Variants in PIK3R3 observed in about 807,000 individuals in gnomAD.
PIK3R3 encodes the protein phosphoinositide-3-kinase regulatory subunit 3, also known as phosphatidylinositol 3-kinase regulatory subunit gamma.
Under a neutral mutation model 62.9 loss-of-function variants are expected in PIK3R3, and 64 were observed. The observed-to-expected ratio is 1.02, with a 90% CI of 0.83 to 1.25. The LOEUF (loss-of-function observed/expected upper bound fraction) is 1.25. Ranked by LOEUF, PIK3R3 falls within the 50% of genes most tolerant of loss-of-function variation. The probability of loss-of-function intolerance (pLI) is 0.00; values close to 1 mark genes in which losing one functional copy is unlikely to be tolerated. For missense variants in PIK3R3, 614 were observed against 561.6 expected (o/e 1.09, Z -0.94); for synonymous variants, 165 against 189.0 (o/e 0.87, Z 1.04).
At chr1:46,055,752 T>C (rs1017973642) in intron 7 of PIK3R3, 43 bp downstream of exon 7, 3 of 1,293,566 alleles carry the variant, frequency 2.3e-6, no homozygotes, top group Middle Eastern at 1.9e-4. Context: ...GGTAGTAACC[T>C]GGCACTAACG....
At chr1:46,080,542 T>C (rs111915223) in intron 2 of PIK3R3, 100 bp downstream of exon 2, 26,539 of 785,160 alleles carry the variant, frequency 0.034, 579 homozygotes, top group Middle Eastern at 0.058. Context: ...ATTATAGGCA[T>C]GAGCCACCAT....
chr1:46,054,776 A>G (rs546803514), intron 7 of PIK3R3, among the ~76,000 whole-genome samples: 2 of 152,354 alleles, frequency 1.3e-5, no homozygotes, highest in East Asian at 1.9e-4. Context: ...TTTGTATATT[A>G]TCTCTATTAT....
intron 6 of PIK3R3, among the ~76,000 whole-genome samples, chr1:46,059,570 T>G (rs1013656188): frequency 6.6e-6 from 1 of 152,274 alleles, no homozygotes; most frequent in African/African-American, 2.4e-5. Flanking sequence ...ATCCCAGCAC[T>G]TTGGGAAGCT....
the PIK3R3 span, among the ~76,000 whole-genome samples, chr1:46,145,110 T>C: frequency 0.83 from 121,963 of 147,352 alleles, 50,518 homozygotes; most frequent in Non-Finnish European, 0.87. Flanking sequence ...GCAACAAGAA[T>C]GAAACTCCAC....
chr1:46,106,452 G>A (rs1653215443), intron 1 of PIK3R3, among the ~76,000 whole-genome samples: 1 of 152,026 alleles, frequency 6.6e-6, no homozygotes, highest in African/African-American at 2.4e-5. Context: ...TTATCTCCCT[G>A]CCCCCTCAAA....
intron 2 of PIK3R3, 37 bp downstream of exon 2, chr1:46,080,605 A>G (rs768689670): frequency 7.3e-7 from 1 of 1,360,694 alleles, no homozygotes; most frequent in Non-Finnish European, 1.0e-6. Context: ...ATGACTTTTT[A>G]AAAAACTGCA....
At chr1:46,126,995 A>G (rs1188137918) in intron 1 of PIK3R3, among the ~76,000 whole-genome samples, 1 of 152,052 alleles carries the variant, frequency 6.6e-6, no homozygotes, top group Non-Finnish European at 1.5e-5. Context: ...TGCAAAACAA[A>G]ACTTTTCATT....
chr1:46,098,804 G>A (rs1652384356), intron 1 of PIK3R3, among the ~76,000 whole-genome samples: 1 of 152,172 alleles, frequency 6.6e-6, no homozygotes, highest in South Asian at 2.1e-4. Context: ...GAGTTCAAGC[G>A]ATCCTCCCAC....
At chr1:46,046,191 A>T (rs986175823) in intron 8 of PIK3R3, 103 bp from the exon 9 acceptor site, 2 of 717,998 alleles carry the variant, frequency 2.8e-6, no homozygotes, top group Non-Finnish European at 4.6e-6. Context: ...CAAATAACAA[A>T]GCAAAATTGC....
intron 1 of PIK3R3, among the ~76,000 whole-genome samples, chr1:46,095,399 G>A (rs1342384286): frequency 6.6e-6 from 1 of 152,116 alleles, no homozygotes; most frequent in Non-Finnish European, 1.5e-5. Flanking sequence ...CAGGAGGATC[G>A]CAGGAACAGA....
Position 46,055,852 on chromosome 1 carries a change from A to T in PIK3R3, c.884T>A (p.Met295Lys), listed in dbSNP as rs758746746. The T allele has an allele frequency of 2.4e-5, 38 of 1,608,088 alleles. No homozygotes were observed. Among genetic ancestry groups the T allele is most frequent in the Middle Eastern group, 1.7e-4 (1 of 6,060 alleles). Residue 295 changes from methionine to lysine, a missense_variant, in exon 7 of 10, where the codon ATG (methionine) becomes AAG (lysine). Transcript: ENST00000262741. ...GATCAGGTCAGGTTTGATGCTATTCATTTTTTTATCTATTTCTCGGTTGTC... is the reference window on the plus strand; with the variant it reads ...GATCAGGTCAGGTTTGATGCTATTCTTTTTTTTATCTATTTCTCGGTTGTC... ...ALDNREIDKK[M>K]NSIKPDLIQL...
At position 46,128,285 on chromosome 1, in the gene PIK3R3, A is replaced by T. The variant is rs536355797; in HGVS notation, c.106+3562T>A. ...CCCCATTTCTACTAAAAATACTAAA[A>T]TTAGCCAGGCATGGTAGCATGCGCC... On this transcript the variant is annotated intron_variant, in intron 1 of 9. Transcript: ENST00000262741. 7.2e-5 allele frequency among the ~76,000 whole-genome samples: 11 copies of T among 152,226 alleles called. 1 individual carries two copies. In the South Asian group the frequency reaches 2.1e-3, roughly 29 times the overall value.
intron 5 of PIK3R3, among the ~76,000 whole-genome samples, chr1:46,064,664 A>G (rs891580946): frequency 9.2e-5 from 14 of 152,170 alleles, no homozygotes; most frequent in African/African-American, 3.4e-4. Flanking sequence ...AAAGTCCCAA[A>G]TATTTAGAAA....
chr1:46,099,368 T>A (rs189935419), intron 1 of PIK3R3, among the ~76,000 whole-genome samples: 117 of 152,312 alleles, frequency 7.7e-4, no homozygotes, highest in Admixed American at 7.5e-3. Flanking sequence ...CTCTGGCTGC[T>A]CCTTTTTAGA....
Position 46,132,278 on chromosome 1 carries a change from A to G in PIK3R3, c.-326T>C. 8.9e-7 allele frequency: 1 copy of G among 1,118,640 alleles called. No homozygotes were observed. The allele number at this position is 1,118,640 out of a possible 1,614,324, so 69.3% of individuals were successfully genotyped here. A position where few individuals can be genotyped will look rare whatever the true frequency, so the allele number is the denominator to read the frequency against. On this transcript the variant is annotated 5_prime_UTR_variant, in exon 1 of 10. Coordinates refer to ENST00000262741, the MANE Select transcript of PIK3R3 (RefSeq NM_003629.4). ...TACACAGTCGCTCTCCGGGGAGAAA[A>G]GCTCCCACCGCCTCCAAATCTTTCC...
chr1:46,046,393 T>A (rs994510370), intron 8 of PIK3R3, among the ~76,000 whole-genome samples, 158 bp downstream of exon 8: 1 of 152,152 alleles, frequency 6.6e-6, no homozygotes, highest in East Asian at 1.9e-4. Flanking sequence ...CCAGTGCCTA[T>A]AGGGTACCTT....
At chr1:46,166,456 CAA>C in the PIK3R3 span, among the ~76,000 whole-genome samples, 1 of 152,012 alleles carries the variant, frequency 6.6e-6, no homozygotes, top group East Asian at 1.9e-4. Flanking sequence ...CTCCTGGCCT[CAA>C]GTGATCTGCC....
chr1:46,131,988 G>T lies in PIK3R3; in HGVS notation c.-36C>A. On this transcript the variant is annotated 5_prime_UTR_variant, in exon 1 of 10. Coordinates refer to ENST00000262741, the MANE Select transcript of PIK3R3 (RefSeq NM_003629.4). The stretch of plus-strand genomic sequence containing the variant: ...GGGGCAGGTCGCCAGGAGATATATA[G>T]AAGGCATATATTTTTTATCTGGTAT... 6.2e-7 allele frequency: 1 copy of T among 1,601,570 alleles called. No homozygotes were observed.
In PIK3R3 at chr1:46,132,257, C is replaced by T; in HGVS notation, c.-305G>A. On this transcript the variant is annotated 5_prime_UTR_variant, in exon 1 of 10. It adds an upstream start codon to the 5' untranslated region. Transcript: ENST00000262741. ...CGGCTTCCCAAAAATCCTTTCTACA[C>T]AGTCGCTCTCCGGGGAGAAAAGCTC... 1 of 1,146,582 alleles carries T rather than the reference C, an allele frequency of 8.7e-7. No homozygotes were observed. The highest frequency in any genetic ancestry group is 1.6e-5 in the African/African-American group (1 of 61,966). The allele number at this position is 1,146,582 out of a possible 1,614,324, so 71.0% of individuals were successfully genotyped here.
Sources: gnomAD v4.1 joint callset for allele counts (sites outside exome capture counted in the v4.1 genomes callset) on GRCh38, gnomAD v4.1.1 for gene constraint, MANE v1.5 for transcripts, NCBI Gene and HGNC (gene_info 2026-07-23, HGNC 2026-07-21) for gene names.